The following CDR2L variants were observed in gnomAD, a reference collection of about 807,000 sequenced individuals.
CDR2L encodes cerebellar degeneration related protein 2 like.
A neutral mutation model predicts 36.1 loss-of-function variants in CDR2L; 19 were observed. The observed-to-expected ratio is 0.53, with a 90% CI of 0.37 to 0.77. The LOEUF (loss-of-function observed/expected upper bound fraction) is 0.77. Among genes scored for constraint, CDR2L ranks in the 30% least tolerant of loss-of-function variants. CDR2L has a pLI of 0.00. For synonymous variants in CDR2L, 285 were observed against 280.4 expected (o/e 1.02, Z -0.16); for missense variants, 575 against 627.2 (o/e 0.92, Z 0.89).
intron 1 of CDR2L, among the ~76,000 whole-genome samples, chr17:74,990,092 G>T (rs538771164): frequency 3.9e-5 from 6 of 152,344 alleles, no homozygotes; most frequent in African/African-American, 1.4e-4. Flanking sequence ...CCTAATGAAG[G>T]CTTTGGCACT....
chr17:74,995,235 A>G (rs574257841), intron 1 of CDR2L, among the ~76,000 whole-genome samples: 282 of 150,298 alleles, frequency 1.9e-3, no homozygotes, highest in African/African-American at 4.2e-3. Context: ...CTTTTTGACA[A>G]TGTCTCACTC....
intron 2 of CDR2L, 150 bp from the exon 3 acceptor site, chr17:75,001,191 G>A (rs2039864319): frequency 1.3e-6 from 1 of 754,832 alleles, no homozygotes; most frequent in Non-Finnish European, 1.9e-6. Context: ...CCGAAATCAT[G>A]CCACTGCACT....
intron 1 of CDR2L, among the ~76,000 whole-genome samples, chr17:74,997,975 C>T (rs1223845360): frequency 6.7e-6 from 1 of 150,124 alleles, no homozygotes; most frequent in East Asian, 2.0e-4. Context: ...AATCCCAGCA[C>T]TTTGGGAGGC....
Position 75,004,114 on chromosome 17 carries a change from T to C in CDR2L, c.*40T>C, listed in dbSNP as rs1425656471. On this transcript the variant is annotated 3_prime_UTR_variant, in exon 5 of 5. Transcript: ENST00000337231. ...GCAGCCTCCCCCAGGGTGGAAGCCG[T>C]GGGGTCCCTCAGGCCTGGGCGGTGC... is the stretch of plus-strand genomic sequence containing the variant. The C allele has an allele frequency of 1.9e-6, 3 of 1,547,784 alleles. No homozygotes were observed. In the East Asian group the frequency reaches 6.9e-5, roughly 36 times the overall value.
intron 1 of CDR2L, among the ~76,000 whole-genome samples, chr17:74,988,323 C>T (rs1434738307): frequency 6.6e-6 from 1 of 152,148 alleles, no homozygotes; most frequent in Non-Finnish European, 1.5e-5. Flanking sequence ...CGGGCGGAGA[C>T]CTGCAAAAGT....
chr17:74,992,103 CCCCTA>C (rs905178095), intron 1 of CDR2L, among the ~76,000 whole-genome samples: 5 of 152,320 alleles, frequency 3.3e-5, no homozygotes, highest in African/African-American at 4.8e-5. Context: ...GGAGCCCACA[CCCCTA>C]CCTTTGTCCT....
intron 2 of CDR2L, 55 bp downstream of exon 2, chr17:74,999,671 G>T (rs2039853034): frequency 9.4e-7 from 1 of 1,065,622 alleles, no homozygotes. Flanking sequence ...TGGCCTGTGT[G>T]TGCCTTTATG....
Position 74,989,044 on chromosome 17 carries a change from A to G in CDR2L, c.79+922A>G, listed in dbSNP as rs1041616651. ...CTGGAAGGGGCGAGGAAACATGTCC[A>G]GGGAGAAGTGACCTTCCCATGGCCT... On this transcript the variant is annotated intron_variant, in intron 1 of 4. Coordinates refer to ENST00000337231, the MANE Select transcript of CDR2L (RefSeq NM_014603.3). This position sits in a 1 kb window ranked among gnomAD's most constrained non-coding sequence, Gnocchi z 4.2. Among the ~76,000 whole-genome samples the G allele has an allele frequency of 5.3e-5, 8 of 152,132 alleles. No homozygotes were observed. The highest frequency in any genetic ancestry group is 5.2e-4 in the Admixed American group (8 of 15,282).
At chr17:74,990,593 C>T (rs2039790633) in intron 1 of CDR2L, among the ~76,000 whole-genome samples, 1 of 152,182 alleles carries the variant, frequency 6.6e-6, no homozygotes, top group Non-Finnish European at 1.5e-5. Flanking sequence ...GCTGGAGGCT[C>T]CCCAGGAGAG....
At chr17:74,988,214 G>C in intron 1 of CDR2L, 92 bp downstream of exon 1, 1 of 984,818 alleles carries the variant, frequency 1.0e-6, no homozygotes, top group Non-Finnish European at 1.4e-6. Flanking sequence ...CCCCGGGAGG[G>C]GCTGGGCTGG....
chr17:74,994,991 C>A (rs1412269968), intron 1 of CDR2L, among the ~76,000 whole-genome samples: 1 of 151,336 alleles, frequency 6.6e-6, no homozygotes, highest in African/African-American at 2.4e-5. Flanking sequence ...ATTGCTTGAA[C>A]TTGGGAGGCA....
chr17:75,003,283 C>A lies in CDR2L; in HGVS notation c.607C>A (p.Arg203Ser). 6.4e-7 allele frequency: 1 copy of A among 1,556,136 alleles called. No homozygotes were observed. The highest frequency in any genetic ancestry group is 8.7e-7 in the Non-Finnish European group (1 of 1,150,952). The change falls in exon 5 of 5, where the codon CGC becomes AGC. Residue 203 changes from arginine to serine, a missense_variant. Transcript: ENST00000337231. The part of the protein sequence containing the change: ...ERLQTLVGAL[R>S]SQVSQERQRK... Reference sequence around the variant, plus strand: ...GCTGCAGACCCTGGTGGGGGCGCTGCGCTCCCAGGTGAGCCAGGAGCGGCA... The same window carrying A: ...GCTGCAGACCCTGGTGGGGGCGCTGAGCTCCCAGGTGAGCCAGGAGCGGCA...
At position 75,005,604 on chromosome 17, in the gene CDR2L, TC is replaced by T. The variant is rs2039898775; in HGVS notation, c.*1533del. The T allele has an allele frequency of 6.5e-6, 1 of 152,754 alleles. No individual in the cohort carries two copies. The highest frequency in any genetic ancestry group is 2.1e-4 in the South Asian group (1 of 4,830). 9.5% of individuals were successfully genotyped at this position (152,754 alleles called of 1,614,324 possible). ...CTTTTGTCCTTTGAGGCTAGGCAGC[TC>T]CCTGCCCTCCGTGTGTGTCTGTTAT... On this transcript the variant is annotated 3_prime_UTR_variant, in exon 5 of 5. Coordinates refer to ENST00000337231, the MANE Select transcript of CDR2L (RefSeq NM_014603.3). The surrounding 1 kb of genome is among the most constrained non-coding windows in gnomAD (Gnocchi z 4.2).
At position 75,002,149 on chromosome 17, in the gene CDR2L, C is replaced by T. The variant is rs777444863; in HGVS notation, c.427C>T (p.Arg143Ter). The change falls in exon 4 of 5, where the codon CGA becomes TGA. Residue 143 changes from arginine (R) to a stop codon, truncating the protein, a stop_gained. Coordinates refer to ENST00000337231, the MANE Select transcript of CDR2L (RefSeq NM_014603.3). LOFTEE classifies it high-confidence loss of function. This position sits in a 1 kb window ranked among gnomAD's most constrained non-coding sequence, Gnocchi z 4.1. ...GCAACTGAGAGGCCTGGAACAGCTG[C>T]GAGTGCTCCGGGAGAAGCGGGAACG... ...VEQLRGLEQL[R>*]VLREKRERRR... The T allele has an allele frequency of 1.2e-5, 19 of 1,605,552 alleles. No individual in the cohort carries two copies. The highest frequency in any genetic ancestry group is 1.6e-5 in the Non-Finnish European group (19 of 1,176,506).
chr17:75,003,271 G>A lies in CDR2L; in HGVS notation c.595G>A (p.Val199Met), dbSNP rs376455243. ...GGAGAACGAGCGGCTGCAGACCCTG[G>A]TGGGGGCGCTGCGCTCCCAGGTGAG... ...EQENERLQTL[V>M]GALRSQVSQE... The change falls in exon 5 of 5, where the codon GTG (valine) becomes ATG (methionine). Residue 199 changes from valine (V) to methionine (M), a missense_variant. Physicochemically the swap from Val to Met is conservative, Grantham distance 21 (BLOSUM62 1). Transcript: ENST00000337231. The A allele has an allele frequency of 5.4e-5, 84 of 1,557,678 alleles. No individual in the cohort carries two copies. In the African/African-American group the frequency reaches 1.0e-3, roughly 19 times the overall value.
rs771427115 is a variant in CDR2L at position 75,001,338 on chromosome 17, C to T, written c.193-3C>T. 6.2e-7 allele frequency: 1 copy of T among 1,602,892 alleles called. No homozygotes were observed. The highest frequency in any genetic ancestry group is 8.5e-7 in the Non-Finnish European group (1 of 1,175,052). The stretch of plus-strand genomic sequence containing the variant: ...AAGTTACTCAATGTCCTTCCACCCC[C>T]AGTACCTAACCAAGCAGCTGGACAC... On this transcript the variant is annotated splice_region_variant and splice_polypyrimidine_tract_variant and intron_variant, in intron 2 of 4. Transcript: ENST00000337231.
Position 74,987,650 on chromosome 17 carries a change from C to G in CDR2L, c.-394C>G, listed in dbSNP as rs1317691483. On this transcript the variant is annotated 5_prime_UTR_variant, in exon 1 of 5. Transcript: ENST00000337231. Reference sequence around the variant, plus strand: ...CTCCGCCAAGATGCAGCGGCGGCTCCGGTTGTCGCCGGGCGGGCCAGGAGC... The same window carrying G: ...CTCCGCCAAGATGCAGCGGCGGCTCGGGTTGTCGCCGGGCGGGCCAGGAGC... 1 of 154,200 alleles carries G rather than the reference C, an allele frequency of 6.5e-6. No homozygotes were observed. The highest frequency in any genetic ancestry group is 1.4e-5 in the Non-Finnish European group (1 of 69,552). The allele number at this position is 154,200 out of a possible 1,614,324, so 9.6% of individuals were successfully genotyped here. A position where few individuals can be genotyped will look rare whatever the true frequency, so the allele number is the denominator to read the frequency against.
rs1157949627 is a variant in CDR2L at position 74,997,032 on chromosome 17, TTTTC to T, written c.80-2420_80-2417del. Reference sequence around the variant, plus strand: ...CCTCTCAGCAAGCTCCTATTCACCCTTTTCTTTCTTTCTTTCTTTCTTTCTTTCT... The same window carrying T: ...CCTCTCAGCAAGCTCCTATTCACCCTTTTCTTTCTTTCTTTCTTTCTTTCT... On this transcript the variant is annotated intron_variant, in intron 1 of 4. Transcript: ENST00000337231. 7.0e-3 allele frequency among the ~76,000 whole-genome samples: 966 copies of T among 137,542 alleles called. 18 individuals are homozygous for T. Among genetic ancestry groups the T allele is most frequent in the South Asian group, 0.037 (156 of 4,270 alleles). The allele number at this position is 137,542 out of a possible 152,430, so 90.2% of individuals were successfully genotyped here.
intron 4 of CDR2L, 56 bp from the exon 5 acceptor site, chr17:75,003,127 G>C: frequency 1.3e-6 from 2 of 1,529,994 alleles, no homozygotes; most frequent in East Asian, 2.5e-5. Context: ...GGCCGTGCCC[G>C]TGACCACTGC....
Sources: gnomAD v4.1 joint callset for allele counts (sites outside exome capture counted in the v4.1 genomes callset) on GRCh38, gnomAD v4.1.1 for gene constraint, Gnocchi (gnomAD v3.1) non-coding constraint, MANE v1.5 for transcripts, NCBI Gene and HGNC (gene_info 2026-07-23, HGNC 2026-07-21) for gene names.